The following TSHR variants were observed in gnomAD, a reference collection of about 807,000 sequenced individuals.
TSHR encodes thyroid stimulating hormone receptor, also known as thyrotropin receptor.
TSHR carries 51 observed loss-of-function variants against 64.1 expected under a neutral mutation model. That is an observed-to-expected ratio of 0.80 (90% confidence interval 0.64 to 1.01). The LOEUF is 1.01. Among genes scored for constraint, TSHR ranks in the 50% least tolerant of loss-of-function variants. TSHR has a pLI of 0.00. For missense variants in TSHR, 877 were observed against 942.8 expected (o/e 0.93, Z 0.91); for synonymous variants, 361 against 361.9 (o/e 1.00, Z 0.03).
chr14:81,084,614 G>T (rs1888150269), intron 3 of TSHR, among the ~76,000 whole-genome samples: 1 of 152,204 alleles, frequency 6.6e-6, no homozygotes, highest in Non-Finnish European at 1.5e-5. Flanking sequence ...GCCACCTTCA[G>T]GCAGTCACTC....
In TSHR at chr14:81,143,134, A is replaced by T. The variant is rs1891769760; in HGVS notation, c.1076A>T (p.Gln359Leu). 6.2e-7 allele frequency: 1 copy of T among 1,614,078 alleles called. No individual in the cohort carries two copies. The highest frequency in any genetic ancestry group is 1.3e-5 in the African/African-American group (1 of 74,930). ...CATTATTACGTCTTCTTTGAAGAACAAGAGGATGAGATCATTGGTTTTGGC... is the reference window on the plus strand; with the variant it reads ...CATTATTACGTCTTCTTTGAAGAACTAGAGGATGAGATCATTGGTTTTGGC... ...NAHYYVFFEE[Q>L]EDEIIGFGQE... Residue 359 changes from glutamine to leucine, a missense_variant, in exon 10 of 10, where the codon CAA (glutamine) becomes CTA (leucine). By Grantham distance (113) the Gln-to-Leu change is moderately radical. Coordinates refer to ENST00000298171, the MANE Select transcript of TSHR (RefSeq NM_000369.5).
intron 1 of TSHR, among the ~76,000 whole-genome samples, chr14:81,031,271 T>C (rs1884333410): frequency 6.6e-6 from 1 of 152,204 alleles, no homozygotes; most frequent in African/African-American, 2.4e-5. Context: ...TTATACTTTG[T>C]GATCCTACAG....
intron 3 of TSHR, among the ~76,000 whole-genome samples, chr14:81,077,057 C>G (rs1887558323): frequency 6.6e-6 from 1 of 152,062 alleles, no homozygotes; most frequent in African/African-American, 2.4e-5. Flanking sequence ...CTAGTTAACT[C>G]TACTGATTAT....
chr14:80,960,156 G>A (rs1886943985), intron 1 of TSHR, among the ~76,000 whole-genome samples: 1 of 152,210 alleles, frequency 6.6e-6, no homozygotes, highest in Non-Finnish European at 1.5e-5. Flanking sequence ...AAAGACAATA[G>A]AGAAAGGAAT....
intron 6 of TSHR, among the ~76,000 whole-genome samples, chr14:81,096,142 T>C (rs1435720383): frequency 6.6e-6 from 1 of 152,048 alleles, no homozygotes; most frequent in Non-Finnish European, 1.5e-5. Flanking sequence ...CCTTAAACAT[T>C]TAATCTGTGA....
rs545336339 is a variant in TSHR at position 81,041,262 on chromosome 14, A to T, written c.171-20886A>T. On this transcript the variant is annotated intron_variant, in intron 1 of 9. Transcript: ENST00000298171. Reference sequence around the variant, plus strand: ...CTATTCACAATACCAAAGACATGGAATCAACCTAAATGTTCATCAATGATA... The same window carrying T: ...CTATTCACAATACCAAAGACATGGATTCAACCTAAATGTTCATCAATGATA... Among the ~76,000 whole-genome samples, 16 of 152,338 alleles carry T rather than the reference A, an allele frequency of 1.1e-4. No homozygotes were observed. In the South Asian group the frequency reaches 1.5e-3, roughly 14 times the overall value.
At chr14:81,113,691 G>T (rs1348230143) in intron 8 of TSHR, among the ~76,000 whole-genome samples, 1 of 150,306 alleles carries the variant, frequency 6.7e-6, no homozygotes, top group Non-Finnish European at 1.5e-5. Context: ...AATGATGAAT[G>T]TCTTCAAAAA....
intron 1 of TSHR, among the ~76,000 whole-genome samples, chr14:81,055,729 A>T (rs879581794): frequency 2.6e-5 from 4 of 152,124 alleles, no homozygotes; most frequent in Non-Finnish European, 5.9e-5. Context: ...TGTTTTGGCC[A>T]ATTTCTCCCA....
At chr14:81,141,076 A>C (rs2140104728) in intron 9 of TSHR, among the ~76,000 whole-genome samples, 1 of 152,366 alleles carries the variant, frequency 6.6e-6, no homozygotes, top group South Asian at 2.1e-4. Context: ...CAGTGAGCCG[A>C]GATCGTGCCA....
At position 80,998,024 on chromosome 14, in the gene TSHR, C is replaced by G. The variant is rs1420321295; in HGVS notation, c.170+42174C>G. Among the ~76,000 whole-genome samples, 5 of 152,184 alleles carry G rather than the reference C, an allele frequency of 3.3e-5. No homozygotes were observed. In the East Asian group the frequency reaches 9.6e-4, roughly 29 times the overall value. On this transcript the variant is annotated intron_variant, in intron 1 of 9. Transcript: ENST00000298171. ...CATTCTCATTGTACAACAGTGAGAG[C>G]TGGAATGCCATTACATCATTATGAA...
intron 1 of TSHR, among the ~76,000 whole-genome samples, chr14:80,960,149 G>T (rs540380704): frequency 5.3e-5 from 8 of 152,318 alleles, no homozygotes; most frequent in African/African-American, 1.9e-4. Flanking sequence ...AGGATGGAAA[G>T]ACAATAGAGA....
intron 9 of TSHR, 127 bp from the exon 10 acceptor site, chr14:81,142,813 T>C (rs1891752970): frequency 1.3e-6 from 1 of 794,942 alleles, no homozygotes; most frequent in Admixed American, 1.9e-5. Context: ...TTTCACCATG[T>C]TGCCCAGGCT....
intron 8 of TSHR, among the ~76,000 whole-genome samples, chr14:81,114,881 C>G (rs1021482876): frequency 2.0e-5 from 3 of 152,074 alleles, no homozygotes; most frequent in Admixed American, 2.0e-4. Context: ...CCCTGACCCC[C>G]GAGCAGCCTA....
rs555569004 is a variant in TSHR at position 81,077,409 on chromosome 14, C to T, written c.317+9081C>T. Among the ~76,000 whole-genome samples the T allele has an allele frequency of 2.6e-5, 4 of 152,312 alleles. No homozygotes were observed. The East Asian group carries it at 5.8e-4, about 22-fold the overall frequency. ...AATGTTTAGTATATGTGTGTACACA[C>T]ACATATTCATACATATATGTTTAGC... On this transcript the variant is annotated intron_variant, in intron 3 of 9. Coordinates refer to ENST00000298171, the MANE Select transcript of TSHR (RefSeq NM_000369.5).
chr14:80,982,944 G>A (rs1888247107), intron 1 of TSHR: 2 of 531,214 alleles, frequency 3.8e-6, no homozygotes, highest in South Asian at 5.8e-5. Context: ...AATGCTATGT[G>A]GACTCTGAGG....
rs1273226258 is a variant in TSHR at position 81,037,448 on chromosome 14, A to AAAAAAC, written c.171-24698_171-24697insAAACAA. On this transcript the variant is annotated intron_variant, in intron 1 of 9. Coordinates refer to ENST00000298171, the MANE Select transcript of TSHR (RefSeq NM_000369.5). ...ACAAACAAACAAACAAACAAACAAAAAACAGAAAATGATCTAACAAAATGT... is the reference window on the plus strand; with the variant it reads ...ACAAACAAACAAACAAACAAACAAAAAAAAACAACAGAAAATGATCTAACAAAATGT... Among the ~76,000 whole-genome samples, 328 of 127,786 alleles carry AAAAAAC rather than the reference A, an allele frequency of 2.6e-3. 11 individuals carry two copies. Among genetic ancestry groups the AAAAAAC allele is most frequent in the Non-Finnish European group, 4.5e-3 (240 of 53,862 alleles). The allele number at this position is 127,786 out of a possible 152,430, so 83.8% of individuals were successfully genotyped here.
intron 1 of TSHR, chr14:80,994,797 T>C (rs1888923348): frequency 6.6e-6 from 1 of 152,174 alleles, no homozygotes; most frequent in Admixed American, 6.5e-5. Context: ...ACCTAGCCAG[T>C]ACCATTCAGG....
At chr14:81,060,355 A>G (rs1318337694) in intron 1 of TSHR, among the ~76,000 whole-genome samples, 1 of 152,138 alleles carries the variant, frequency 6.6e-6, no homozygotes, top group Non-Finnish European at 1.5e-5. Context: ...ATATCTTTTT[A>G]GCTTCAGAAT....
At chr14:81,024,798 G>A (rs1415502813) in intron 1 of TSHR, among the ~76,000 whole-genome samples, 1 of 152,066 alleles carries the variant, frequency 6.6e-6, no homozygotes, top group Non-Finnish European at 1.5e-5. Context: ...TTCCTGTCAT[G>A]ATTTTTCTCT....
Sources: gnomAD v4.1 joint callset for allele counts (sites outside exome capture counted in the v4.1 genomes callset) on GRCh38, gnomAD v4.1.1 for gene constraint, MANE v1.5 for transcripts, NCBI Gene and HGNC (gene_info 2026-07-23, HGNC 2026-07-21) for gene names.